Variants in C1GALT1 observed in about 807,000 individuals in gnomAD.
C1GALT1 encodes the protein glycoprotein-N-acetylgalactosamine 3-beta-galactosyltransferase 1.
A neutral mutation model predicts 31.0 loss-of-function variants in C1GALT1; 11 were observed. That is an observed-to-expected ratio of 0.36 (90% CI 0.22 to 0.59). The LOEUF is 0.59. Among genes scored for constraint, C1GALT1 ranks in the 20% least tolerant of loss-of-function variants. The pLI is 0.79. For synonymous variants in C1GALT1, 175 were observed against 143.6 expected, an observed-to-expected ratio of 1.22 and a Z score of -1.56; for missense variants, 424 against 425.2, an observed-to-expected ratio of 1.00 and a Z score of 0.03.
intron 1 of C1GALT1, among the ~76,000 whole-genome samples, chr7:7,223,949 G>A (rs1019079102): frequency 6.6e-6 from 1 of 151,904 alleles, no homozygotes; most frequent in Non-Finnish European, 1.5e-5. Context: ...TTCTGTTTTT[G>A]TTTTTCTGAG....
chr7:7,174,483 C>A (rs1780484810), intron 2 of C1GALT1, among the ~76,000 whole-genome samples: 1 of 152,090 alleles, frequency 6.6e-6, no homozygotes, highest in Non-Finnish European at 1.5e-5. Context: ...GTGGCCCATG[C>A]CTGTAATCCT....
At chr7:7,163,815 G>T (rs1170367894) in intron 2 of C1GALT1, among the ~76,000 whole-genome samples, 1 of 152,062 alleles carries the variant, frequency 6.6e-6, no homozygotes, top group African/African-American at 2.4e-5. Context: ...GGAAATAAAA[G>T]AGGATACAAA....
chr7:7,227,389 A>C (rs1782814625), intron 1 of C1GALT1, among the ~76,000 whole-genome samples: 1 of 152,180 alleles, frequency 6.6e-6, no homozygotes, highest in African/African-American at 2.4e-5. Flanking sequence ...TTAATAACTT[A>C]ATGGGTTATC....
Position 7,202,044 on chromosome 7 carries a change from A to C in C1GALT1, c.-18+19224A>C, listed in dbSNP as rs73674686. ...CTCTTCTGCTTCTTCCTTTATCCCT[A>C]TATTTCTCACAGCTCTCTAAATTAA... On this transcript the variant is annotated intron_variant, in intron 1 of 3. Coordinates refer to ENST00000436587, the MANE Select transcript of C1GALT1 (RefSeq NM_020156.5). Among the ~76,000 whole-genome samples, 19 of 152,134 alleles carry C rather than the reference A, an allele frequency of 1.2e-4. No individual in the cohort carries two copies. The South Asian group carries it at 3.5e-3, about 28-fold the overall frequency.
chr7:7,220,147 G>C (rs1782444702), intron 1 of C1GALT1, among the ~76,000 whole-genome samples: 1 of 152,094 alleles, frequency 6.6e-6, no homozygotes, highest in Non-Finnish European at 1.5e-5. Context: ...CTTGTCTTTT[G>C]AGTTTTTTGT....
At chr7:7,231,091 T>C (rs1421292390) in intron 1 of C1GALT1, among the ~76,000 whole-genome samples, 1 of 152,168 alleles carries the variant, frequency 6.6e-6, no homozygotes, top group African/African-American at 2.4e-5. Flanking sequence ...CTGAACATGT[T>C]TTTAAGGCTC....
At chr7:7,232,254 T>G (rs1783108651) in intron 1 of C1GALT1, among the ~76,000 whole-genome samples, 1 of 152,232 alleles carries the variant, frequency 6.6e-6, no homozygotes, top group South Asian at 2.1e-4. Context: ...TGATTGCACT[T>G]GGTTGTACTA....
At chr7:7,234,634 A>G (rs1366888696) in intron 2 of C1GALT1, 95 bp downstream of exon 2, 19 of 805,482 alleles carry the variant, frequency 2.4e-5, no homozygotes, top group Middle Eastern at 5.3e-4. Context: ...AATGGGCTAT[A>G]TATTCCAGAT....
chr7:7,177,493 G>T (rs1210858299), intron 2 of C1GALT1, among the ~76,000 whole-genome samples: 1 of 152,158 alleles, frequency 6.6e-6, no homozygotes, highest in African/African-American at 2.4e-5. Flanking sequence ...TCACAACAAA[G>T]AGGAGCAGAT....
chr7:7,169,085 A>G (rs920257431), intron 2 of C1GALT1, among the ~76,000 whole-genome samples: 2 of 152,202 alleles, frequency 1.3e-5, no homozygotes, highest in African/African-American at 4.8e-5. Context: ...TCTTCTAGAT[A>G]TTTCATATAA....
intron 1 of C1GALT1, among the ~76,000 whole-genome samples, chr7:7,205,607 G>T (rs569645819): frequency 1.7e-4 from 26 of 152,148 alleles, no homozygotes; most frequent in African/African-American, 6.3e-4. Flanking sequence ...TTGTTCAAGG[G>T]TCAACTATAA....
rs559852660 is a variant in C1GALT1, at chr7:7,240,429, T to G, written c.888+1507T>G. Reference sequence around the variant, plus strand: ...GTCTGTTTTTCTATTTTAGTGAGAGTACTACTTTGGATGCTTTTTTGATGT... The same window carrying G: ...GTCTGTTTTTCTATTTTAGTGAGAGGACTACTTTGGATGCTTTTTTGATGT... On this transcript the variant is annotated intron_variant, in intron 3 of 3. Coordinates refer to ENST00000436587, the MANE Select transcript of C1GALT1 (RefSeq NM_020156.5). Among the ~76,000 whole-genome samples, 4 of 152,254 alleles carry G rather than the reference T, an allele frequency of 2.6e-5. No homozygotes were observed. In the East Asian group the frequency reaches 7.7e-4, roughly 29 times the overall value.
intron 2 of C1GALT1, among the ~76,000 whole-genome samples, chr7:7,162,359 T>C (rs866193876): frequency 2.9e-4 from 43 of 147,600 alleles, no homozygotes; most frequent in Middle Eastern, 3.5e-3. Context: ...AGTGAGAACA[T>C]GTGGTGTTTG....
chr7:7,196,973 T>G (rs868181698), intron 1 of C1GALT1, among the ~76,000 whole-genome samples: 52 of 152,316 alleles, frequency 3.4e-4, no homozygotes, highest in African/African-American at 1.0e-3. Context: ...TTGTAAAAAT[T>G]TTCTCCCATT....
rs6975760 is a variant in C1GALT1, at chr7:7,166,529, T to C, written c.-18+9103T>C. 6.8e-3 allele frequency among the ~76,000 whole-genome samples: 1,036 copies of C among 152,226 alleles called. 18 individuals are homozygous for C. The highest frequency in any genetic ancestry group is 0.024 in the African/African-American group (987 of 41,536). ...GGTGGGAAGTGGCAGGAGGAAACTT[T>C]TGGAGGTGATAGATACATTCATTAT... On this transcript the variant is annotated intron_variant, in intron 2 of 3. Coordinates refer to the C1GALT1 transcript ENST00000429911.
At chr7:7,230,566 T>A (rs1043508144) in intron 1 of C1GALT1, among the ~76,000 whole-genome samples, 4 of 151,816 alleles carry the variant, frequency 2.6e-5, no homozygotes, top group Non-Finnish European at 5.9e-5. Context: ...TATGTTTGGT[T>A]CTAAATCAAC....
intron 1 of C1GALT1, among the ~76,000 whole-genome samples, chr7:7,232,232 G>A (rs1028836854): frequency 1.3e-5 from 2 of 152,024 alleles, no homozygotes; most frequent in Non-Finnish European, 2.9e-5. Context: ...TTTACATTTT[G>A]TTCAGTTTTT....
At chr7:7,216,472 G>T (rs1236252475) in intron 1 of C1GALT1, among the ~76,000 whole-genome samples, 1 of 151,674 alleles carries the variant, frequency 6.6e-6, no homozygotes, top group African/African-American at 2.4e-5. Context: ...CCTAGAACCA[G>T]TGTGATTTGC....
intron 1 of C1GALT1, among the ~76,000 whole-genome samples, chr7:7,206,396 G>C (rs577885928): frequency 1.3e-5 from 2 of 152,074 alleles, no homozygotes; most frequent in African/African-American, 4.8e-5. Context: ...AACTCTCTCA[G>C]CTTTTTACTT....
Sources: allele counts gnomAD v4.1 joint callset (sites outside exome capture counted in the v4.1 genomes callset), GRCh38; gene constraint gnomAD v4.1.1; transcripts MANE v1.5; gene names NCBI Gene and HGNC (gene_info 2026-07-23, HGNC 2026-07-21).